Variants in LINGO2 observed in about 807,000 individuals in gnomAD.
LINGO2 encodes the protein leucine-rich repeat and immunoglobulin-like domain-containing nogo receptor-interacting protein 2.
In LINGO2, 14 loss-of-function variants were observed where a neutral mutation model predicts 30.6. That is an observed-to-expected ratio of 0.46 (90% CI 0.30 to 0.72). The LOEUF is 0.72. LINGO2 is among the 30% of genes least tolerant of loss of function. The probability of loss-of-function intolerance (pLI) is 0.07; values close to 1 mark genes in which losing one functional copy is unlikely to be tolerated. For synonymous variants in LINGO2, 317 were observed against 288.5 expected, an observed-to-expected ratio of 1.10 and a Z score of -1.00; for missense variants, 729 against 751.7, an observed-to-expected ratio of 0.97 and a Z score of 0.35.
At chr9:29,034,687 T>C in the LINGO2 span, among the ~76,000 whole-genome samples, 2 of 151,506 alleles carry the variant, frequency 1.3e-5, no homozygotes, top group African/African-American at 4.9e-5. Context: ...AAATTAATCA[T>C]TATAATCATT....
the LINGO2 span, among the ~76,000 whole-genome samples, chr9:28,711,943 G>C: frequency 6.6e-6 from 1 of 152,040 alleles, no homozygotes; most frequent in African/African-American, 2.4e-5. Flanking sequence ...CTCTAGGCTG[G>C]GGACTTGGTT....
At chr9:28,514,689 T>TA (rs1340885062) in intron 1 of LINGO2, among the ~76,000 whole-genome samples, 1 of 152,072 alleles carries the variant, frequency 6.6e-6, no homozygotes, top group African/African-American at 2.4e-5. Context: ...CTATGTAACG[T>TA]AAAAGTGCAA....
the LINGO2 span, among the ~76,000 whole-genome samples, chr9:28,945,474 C>G: frequency 5.9e-5 from 9 of 152,070 alleles, no homozygotes; most frequent in African/African-American, 2.2e-4. Flanking sequence ...TCATTCTTAC[C>G]TATCTCTCTT....
At chr9:27,981,551 G>GAAAAAAAAAAAAAAAAAAAAA (rs1279785343) in intron 5 of LINGO2, among the ~76,000 whole-genome samples, 2 of 87,108 alleles carry the variant, frequency 2.3e-5, no homozygotes, top group Non-Finnish European at 4.6e-5. Context: ...AAAAAAAAAA[G>GAAAAAAAAAAAAAAAAAAAAA]AAAAAAAAGA....
chr9:28,124,400 G>A (rs1203462509), intron 4 of LINGO2, among the ~76,000 whole-genome samples: 1 of 152,084 alleles, frequency 6.6e-6, no homozygotes, highest in East Asian at 1.9e-4. Flanking sequence ...TTTTTCCACT[G>A]GCAATTTCAA....
intron 4 of LINGO2, among the ~76,000 whole-genome samples, chr9:28,019,633 G>A (rs1272202418): frequency 1.3e-5 from 2 of 151,782 alleles, no homozygotes; most frequent in African/African-American, 2.4e-5. Context: ...TAAGTGGTAG[G>A]GTCATGGCCT....
At chr9:28,108,420 G>A (rs1046494345) in intron 4 of LINGO2, among the ~76,000 whole-genome samples, 2 of 152,110 alleles carry the variant, frequency 1.3e-5, no homozygotes, top group African/African-American at 2.4e-5. Context: ...TCCATGTAAG[G>A]AAGATGCAGT....
At chr9:28,546,234 T>C (rs1350903809) in intron 1 of LINGO2, among the ~76,000 whole-genome samples, 1 of 151,990 alleles carries the variant, frequency 6.6e-6, no homozygotes, top group Non-Finnish European at 1.5e-5. Flanking sequence ...AGGACAGCTT[T>C]CCTCACCCAT....
chr9:28,091,096 T>C (rs969085025), intron 4 of LINGO2, among the ~76,000 whole-genome samples: 26 of 152,192 alleles, frequency 1.7e-4, no homozygotes, highest in African/African-American at 6.0e-4. Context: ...CATTCCATGC[T>C]CATGGATAGG....
At chr9:28,966,597 G>A in the LINGO2 span, among the ~76,000 whole-genome samples, 1 of 152,080 alleles carries the variant, frequency 6.6e-6, no homozygotes, top group Non-Finnish European at 1.5e-5. Context: ...AGTATATAGA[G>A]ATACCAATTG....
chr9:28,506,705 A>G (rs1167629361), intron 1 of LINGO2, among the ~76,000 whole-genome samples: 1 of 151,242 alleles, frequency 6.6e-6, no homozygotes, highest in Non-Finnish European at 1.5e-5. Context: ...ACTGATATAT[A>G]TCACACAGAA....
chr9:28,644,945 A>C (rs1827769821), intron 1 of LINGO2, among the ~76,000 whole-genome samples: 1 of 152,084 alleles, frequency 6.6e-6, no homozygotes, highest in Non-Finnish European at 1.5e-5. Context: ...TTGCTATATG[A>C]TATAAAAGAA....
At chr9:28,336,895 C>A (rs531179735) in intron 3 of LINGO2, among the ~76,000 whole-genome samples, 1 of 151,910 alleles carries the variant, frequency 6.6e-6, no homozygotes, top group South Asian at 2.1e-4. Context: ...TAAAAAATCA[C>A]AAAGACAATT....
chr9:29,140,980 AG>A, the LINGO2 span, among the ~76,000 whole-genome samples: 294 of 152,178 alleles, frequency 1.9e-3, 1 homozygote, highest in African/African-American at 6.4e-3. Context: ...AGAAAAACAT[AG>A]GGGAATGTCT....
At chr9:28,502,841 G>T (rs1819948310) in intron 1 of LINGO2, among the ~76,000 whole-genome samples, 1 of 152,054 alleles carries the variant, frequency 6.6e-6, no homozygotes, top group South Asian at 2.1e-4. Flanking sequence ...ACTTTCGGGA[G>T]AGTAGCACAT....
the LINGO2 span, among the ~76,000 whole-genome samples, chr9:28,805,362 A>G: frequency 6.6e-6 from 1 of 152,194 alleles, no homozygotes; most frequent in Non-Finnish European, 1.5e-5. Flanking sequence ...GTGGCATCAC[A>G]GATGCTATCT....
chr9:28,195,281 G>A (rs1198090485), intron 4 of LINGO2, among the ~76,000 whole-genome samples: 2 of 151,618 alleles, frequency 1.3e-5, no homozygotes, highest in African/African-American at 4.8e-5. Flanking sequence ...AAATAGTCAT[G>A]GGGATTAGGT....
the LINGO2 span, among the ~76,000 whole-genome samples, chr9:29,109,050 T>C: frequency 6.6e-6 from 1 of 152,216 alleles, no homozygotes; most frequent in Non-Finnish European, 1.5e-5. Context: ...TGATATAAAA[T>C]TGAATGCAAA....
chr9:28,282,042 A>C (rs369127466), intron 4 of LINGO2, among the ~76,000 whole-genome samples: 1 of 152,118 alleles, frequency 6.6e-6, no homozygotes, highest in African/African-American at 2.4e-5. Context: ...CCCCTGAATA[A>C]ATCTCACAAA....
Sources: gnomAD v4.1 joint callset for allele counts (sites outside exome capture counted in the v4.1 genomes callset) on GRCh38, gnomAD v4.1.1 for gene constraint, MANE v1.5 for transcripts, NCBI Gene and HGNC (gene_info 2026-07-23, HGNC 2026-07-21) for gene names.